Variants in PTPRD observed in about 807,000 individuals in gnomAD.
PTPRD encodes the protein receptor-type tyrosine-protein phosphatase delta.
A neutral mutation model predicts 214.5 loss-of-function variants in PTPRD; 34 were observed. That is an observed-to-expected ratio of 0.16 (90% CI 0.12 to 0.21). The LOEUF (loss-of-function observed/expected upper bound fraction) is 0.21. PTPRD is among the 10% of genes least tolerant of loss of function. The pLI, the probability that PTPRD is intolerant of heterozygous loss-of-function variation, is 1.00. For missense variants in PTPRD, 2,545 were observed against 2,398.7 expected (o/e 1.06, Z -1.27); for synonymous variants, 1,128 against 845.7 (o/e 1.33, Z -5.79).
chr9:8,609,269 G>A (rs1414405192), intron 14 of PTPRD, among the ~76,000 whole-genome samples: 1 of 152,154 alleles, frequency 6.6e-6, no homozygotes, highest in East Asian at 1.9e-4. Flanking sequence ...GTGTTCACGT[G>A]GCAGCACTGG....
rs2098639378 is a variant in PTPRD, at chr9:9,760,152, G to A, written c.-326+6658C>T. Among the ~76,000 whole-genome samples the A allele has an allele frequency of 2.6e-5, 4 of 152,092 alleles. No individual in the cohort carries two copies. In the South Asian group the frequency reaches 8.3e-4, roughly 31 times the overall value. The stretch of plus-strand genomic sequence containing the variant: ...TACCCTATTTCTGTGTGTAATCTGA[G>A]TTCTAGATTGTAGCCTCAGCAAGCT... On this transcript the variant is annotated intron_variant, in intron 6 of 45. Transcript: ENST00000381196.
chr9:9,636,796 A>T (rs1259924840), intron 7 of PTPRD, among the ~76,000 whole-genome samples: 2 of 152,336 alleles, frequency 1.3e-5, no homozygotes, highest in East Asian at 3.9e-4. Flanking sequence ...CTGCTATAAC[A>T]GAATATCAAA....
At chr9:10,271,348 G>A (rs2154382789) in intron 3 of PTPRD, among the ~76,000 whole-genome samples, 1 of 148,440 alleles carries the variant, frequency 6.7e-6, no homozygotes, top group East Asian at 2.0e-4. Context: ...CAAATCTACT[G>A]CTTATTTTTG....
At chr9:9,468,272 T>C (rs7022990) in intron 8 of PTPRD, among the ~76,000 whole-genome samples, 1 of 152,056 alleles carries the variant, frequency 6.6e-6, no homozygotes, top group African/African-American at 2.4e-5. Flanking sequence ...CTATAATATT[T>C]CAAAAATGTT....
At chr9:8,534,693 G>T (rs1016437958) in intron 14 of PTPRD, among the ~76,000 whole-genome samples, 14 of 151,362 alleles carry the variant, frequency 9.2e-5, no homozygotes, top group African/African-American at 3.4e-4. Flanking sequence ...TACATATATG[G>T]ACTTTTTCAC....
intron 4 of PTPRD, among the ~76,000 whole-genome samples, chr9:10,010,315 T>G (rs1420805521): frequency 6.6e-6 from 1 of 151,598 alleles, no homozygotes; most frequent in African/African-American, 2.4e-5. Flanking sequence ...CAAAATGCAT[T>G]AAGCAAGATG....
At position 8,599,686 on chromosome 9, in the gene PTPRD, C is replaced by G. The variant is rs186760908; in HGVS notation, c.352+33631G>C. On this transcript the variant is annotated intron_variant, in intron 14 of 45. Coordinates refer to ENST00000381196, the MANE Select transcript of PTPRD (RefSeq NM_002839.4). The stretch of plus-strand genomic sequence containing the variant: ...TTGCCCAGGCTGGAGTGCAACGGCG[C>G]GATCACTGCAACCTCCGCCTCCTGG... Among the ~76,000 whole-genome samples, 622 of 140,486 alleles carry G rather than the reference C, an allele frequency of 4.4e-3. 24 individuals are homozygous for G. The East Asian group carries it at 0.1, about 23-fold the overall frequency. The allele number at this position is 140,486 out of a possible 152,430, so 92.2% of individuals were successfully genotyped here.
At chr9:8,451,814 C>T (rs919375442) in intron 33 of PTPRD, 4 of 448,674 alleles carry the variant, frequency 8.9e-6, no homozygotes, top group Non-Finnish European at 1.8e-5. Context: ...TCTCCCTTCC[C>T]ATTGTGGCTC....
rs185436724 is a variant in PTPRD at position 8,778,816 on chromosome 9, T to C, written c.-103-44870A>G. Reference sequence around the variant, plus strand: ...CAGTTTTATCACATAAAAATGGAAATAATATCATACAGAGCCCATAGGGTT... The same window carrying C: ...CAGTTTTATCACATAAAAATGGAAACAATATCATACAGAGCCCATAGGGTT... On this transcript the variant is annotated intron_variant, in intron 11 of 45. Transcript: ENST00000381196. 2.4e-3 allele frequency among the ~76,000 whole-genome samples: 362 copies of C among 152,206 alleles called. 2 individuals carry two copies. Among genetic ancestry groups the C allele is most frequent in the African/African-American group, 8.0e-3 (331 of 41,532 alleles).
chr9:10,610,676 C>G (rs1370456922), intron 2 of PTPRD, among the ~76,000 whole-genome samples: 2 of 152,018 alleles, frequency 1.3e-5, no homozygotes, highest in East Asian at 1.9e-4. Context: ...AGTAATATGT[C>G]TAAGAAAACT....
chr9:9,760,015 G>A (rs1332912218), intron 6 of PTPRD, among the ~76,000 whole-genome samples: 1 of 152,076 alleles, frequency 6.6e-6, no homozygotes, highest in East Asian at 1.9e-4. Flanking sequence ...AGTATTGCCT[G>A]CTTAACTAGA....
chr9:9,834,333 G>GA (rs948385740), intron 5 of PTPRD, among the ~76,000 whole-genome samples: 1 of 151,800 alleles, frequency 6.6e-6, no homozygotes, highest in African/African-American at 2.4e-5. Flanking sequence ...TATGAAAAAA[G>GA]AAAAAAGCCC....
intron 11 of PTPRD, among the ~76,000 whole-genome samples, chr9:8,802,911 G>C (rs1165811269): frequency 3.3e-5 from 5 of 152,042 alleles, no homozygotes; most frequent in Admixed American, 2.0e-4. Context: ...AATTAGCTTA[G>C]TGTGGTGGCA....
At chr9:9,788,546 C>T (rs1385355068) in intron 5 of PTPRD, among the ~76,000 whole-genome samples, 4 of 90,992 alleles carry the variant, frequency 4.4e-5, no homozygotes, top group African/African-American at 1.0e-4. Flanking sequence ...TGAGAAGCTC[C>T]GTCTCAAAAA....
chr9:8,924,377 A>AT (rs546781221), intron 11 of PTPRD, among the ~76,000 whole-genome samples: 116 of 152,314 alleles, frequency 7.6e-4, no homozygotes, highest in African/African-American at 2.7e-3. Flanking sequence ...AAAATACAAA[A>AT]CCTAGTCCTT....
chr9:9,547,530 T>G (rs1324206221), intron 8 of PTPRD, among the ~76,000 whole-genome samples: 1 of 151,974 alleles, frequency 6.6e-6, no homozygotes, highest in African/African-American at 2.4e-5. Context: ...TTCAACTGTT[T>G]GAGGACTAAA....
intron 12 of PTPRD, among the ~76,000 whole-genome samples, chr9:8,716,666 C>G (rs988118228): frequency 7.3e-6 from 1 of 136,216 alleles, no homozygotes; most frequent in South Asian, 2.1e-4. Context: ...AGACTTTAAG[C>G]TGCACTAGGA....
intron 2 of PTPRD, among the ~76,000 whole-genome samples, chr9:10,365,828 TATGTCA>T (rs2154473999): frequency 6.6e-6 from 1 of 152,338 alleles, no homozygotes; most frequent in African/African-American, 2.4e-5. Flanking sequence ...CCCACATTGC[TATGTCA>T]ATAATTTCTC....
At chr9:9,412,420 C>T (rs574165588) in intron 8 of PTPRD, among the ~76,000 whole-genome samples, 1 of 152,222 alleles carries the variant, frequency 6.6e-6, no homozygotes, top group East Asian at 1.9e-4. Flanking sequence ...CTGTGGTTGC[C>T]TTCCCAGCAT....
Sources: gnomAD v4.1 joint callset for allele counts (sites outside exome capture counted in the v4.1 genomes callset) on GRCh38, gnomAD v4.1.1 for gene constraint, MANE v1.5 for transcripts, NCBI Gene and HGNC (gene_info 2026-07-23, HGNC 2026-07-21) for gene names.